The following SHISA9 variants were observed in gnomAD, a reference collection of about 807,000 sequenced individuals.
SHISA9 encodes the protein shisa family member 9.
In SHISA9, 13 loss-of-function variants were observed where a neutral mutation model predicts 38.0. The ratio of observed to expected loss-of-function variants is 0.34; its 90% CI spans 0.22 to 0.54. The LOEUF (loss-of-function observed/expected upper bound fraction) is 0.54. SHISA9 is among the 20% of genes least tolerant of loss of function. The pLI is 0.91. For synonymous variants in SHISA9, 275 were observed against 242.0 expected (o/e 1.14, Z -1.27); for missense variants, 538 against 575.8 (o/e 0.93, Z 0.67).
the SHISA9 span, among the ~76,000 whole-genome samples, chr16:13,402,198 C>T: frequency 3.3e-5 from 5 of 152,124 alleles, no homozygotes; most frequent in African/African-American, 4.8e-5. Context: ...TTTGAGAAGT[C>T]CCACAACATG....
At chr16:13,081,825 C>T (rs1294071817) in intron 2 of SHISA9, among the ~76,000 whole-genome samples, 1 of 148,434 alleles carries the variant, frequency 6.7e-6, no homozygotes, top group African/African-American at 2.5e-5. Context: ...GCACTCCAAC[C>T]TGGGTGATAG....
chr16:12,943,487 A>T (rs534179539), intron 2 of SHISA9, among the ~76,000 whole-genome samples: 10 of 151,982 alleles, frequency 6.6e-5, no homozygotes, highest in Admixed American at 6.6e-5. Context: ...TTTTGAATGT[A>T]TGATTGTTTA....
At chr16:13,536,752 A>G in the SHISA9 span, among the ~76,000 whole-genome samples, 2 of 152,210 alleles carry the variant, frequency 1.3e-5, no homozygotes, top group Non-Finnish European at 2.9e-5. Context: ...ATAGCTACAG[A>G]TATAGATCAG....
At chr16:13,255,450 G>T in the SHISA9 span, among the ~76,000 whole-genome samples, 4 of 152,066 alleles carry the variant, frequency 2.6e-5, no homozygotes, top group African/African-American at 7.2e-5. Flanking sequence ...ACATACAAAG[G>T]ATTCATTCTA....
chr16:13,102,969 G>C (rs744037), intron 2 of SHISA9, among the ~76,000 whole-genome samples: 29,719 of 152,176 alleles, frequency 0.2, 3,478 homozygotes, highest in South Asian at 0.38. Flanking sequence ...TATGCATATA[G>C]AAATACTCTT....
the SHISA9 span, among the ~76,000 whole-genome samples, chr16:13,486,994 G>A: frequency 2.6e-5 from 4 of 152,274 alleles, no homozygotes; most frequent in South Asian, 2.1e-4. Flanking sequence ...GTGAGCCACC[G>A]CACTCAGCCC....
the SHISA9 span, among the ~76,000 whole-genome samples, chr16:13,481,732 T>G: frequency 9.2e-5 from 14 of 152,234 alleles, no homozygotes; most frequent in African/African-American, 3.4e-4. Context: ...GGAGGGAAGG[T>G]CAAAGGTGTC....
chr16:13,205,928 A>ATTT (rs79183056), intron 3 of SHISA9, among the ~76,000 whole-genome samples: 7 of 139,850 alleles, frequency 5.0e-5, no homozygotes, highest in African/African-American at 1.6e-4. Context: ...TGCCTGGCTA[A>ATTT]TTTTTTTTTT....
At chr16:13,411,623 C>A in the SHISA9 span, among the ~76,000 whole-genome samples, 13 of 152,212 alleles carry the variant, frequency 8.5e-5, no homozygotes, top group Non-Finnish European at 1.9e-4. Flanking sequence ...TTTTCATCGG[C>A]AAGGATGCCT....
intron 2 of SHISA9, among the ~76,000 whole-genome samples, chr16:13,048,757 C>A (rs1423577193): frequency 6.6e-6 from 1 of 152,066 alleles, no homozygotes; most frequent in African/African-American, 2.4e-5. Context: ...CTTTATGGGT[C>A]CAGGAATCTA....
the SHISA9 span, among the ~76,000 whole-genome samples, chr16:13,400,102 G>T: frequency 2.6e-5 from 4 of 152,120 alleles, no homozygotes; most frequent in South Asian, 8.3e-4. Context: ...AAACATTGTT[G>T]GCCCTCACGT....
intron 2 of SHISA9, among the ~76,000 whole-genome samples, chr16:12,942,676 T>G (rs1280709644): frequency 6.6e-6 from 1 of 152,226 alleles, no homozygotes; most frequent in African/African-American, 2.4e-5. Context: ...ATGAGAACAA[T>G]GTAGTTGACC....
the SHISA9 span, among the ~76,000 whole-genome samples, chr16:13,466,324 G>C: frequency 6.6e-6 from 1 of 152,340 alleles, no homozygotes; most frequent in South Asian, 2.1e-4. Context: ...ATTAAATACT[G>C]CTCCGCAATG....
chr16:13,234,992 TTTCTTCCCC>T (rs1296653225), intron 4 of SHISA9, 29 bp from the exon 5 acceptor site: 1 of 1,503,716 alleles, frequency 6.7e-7, no homozygotes, highest in Non-Finnish European at 8.9e-7. Flanking sequence ...CTCTCTTCTC[TTTCTTCCCC>T]TTCTTCATCC....
intron 2 of SHISA9, among the ~76,000 whole-genome samples, chr16:13,150,041 A>AC (rs1225665248): frequency 6.7e-6 from 1 of 149,386 alleles, no homozygotes; most frequent in Non-Finnish European, 1.5e-5. Context: ...AAAAAAAAAA[A>AC]AAAAAAAAAA....
At chr16:13,123,472 A>C (rs968470053) in intron 2 of SHISA9, among the ~76,000 whole-genome samples, 1 of 152,220 alleles carries the variant, frequency 6.6e-6, no homozygotes, top group Non-Finnish European at 1.5e-5. Context: ...TCTAGTTGCT[A>C]TATCCTTGAT....
chr16:13,131,116 T>TACCCAGTAAAGATAC (rs2050302667), intron 2 of SHISA9, among the ~76,000 whole-genome samples: 1 of 13,400 alleles, frequency 7.5e-5, no homozygotes, highest in Non-Finnish European at 1.5e-4. Flanking sequence ...TACTGGGTAT[T>TACCCAGTAAAGATAC]ATATACCCAA....
At chr16:13,108,957 T>A (rs1199439297) in intron 2 of SHISA9, among the ~76,000 whole-genome samples, 1 of 152,146 alleles carries the variant, frequency 6.6e-6, no homozygotes, top group Non-Finnish European at 1.5e-5. Flanking sequence ...ACAAATGGAT[T>A]GTTTTCTCCA....
At chr16:13,233,669 G>A (rs550277520) in intron 4 of SHISA9, among the ~76,000 whole-genome samples, 6 of 152,292 alleles carry the variant, frequency 3.9e-5, no homozygotes, top group African/African-American at 1.4e-4. Context: ...ATCAGGATGT[G>A]GCCAGATTTG....
Sources: allele counts gnomAD v4.1 joint callset (sites outside exome capture counted in the v4.1 genomes callset), GRCh38; gene constraint gnomAD v4.1.1; transcripts MANE v1.5; gene names NCBI Gene and HGNC (gene_info 2026-07-23, HGNC 2026-07-21).